The following CCDC83 variants were observed in gnomAD, a reference collection of about 807,000 sequenced individuals.
The protein encoded by CCDC83 is coiled-coil domain containing 83, also known as coiled-coil domain-containing protein 83.
CCDC83 carries 54 observed loss-of-function variants against 50.1 expected under a neutral mutation model. The observed-to-expected ratio is 1.08, with a 90% CI of 0.87 to 1.35. The LOEUF (loss-of-function observed/expected upper bound fraction) is 1.35, where lower values mean the gene tolerates loss of function less well. Ranked by LOEUF, CCDC83 falls within the 40% of genes most tolerant of loss-of-function variation. The pLI, the probability that CCDC83 is intolerant of heterozygous loss-of-function variation, is 0.00. For missense variants in CCDC83, 518 were observed against 473.9 expected (o/e 1.09, Z -0.86); for synonymous variants, 161 against 153.3 (o/e 1.05, Z -0.37).
intron 2 of CCDC83, among the ~76,000 whole-genome samples, chr11:85,870,615 G>T (rs987753650): frequency 6.6e-6 from 1 of 152,148 alleles, no homozygotes; most frequent in Non-Finnish European, 1.5e-5. Flanking sequence ...GGAGGCTGAG[G>T]CTGGAGGATT....
At chr11:85,896,771 T>A (rs1049696837) in intron 6 of CCDC83, among the ~76,000 whole-genome samples, 56 of 152,154 alleles carry the variant, frequency 3.7e-4, no homozygotes, top group African/African-American at 1.3e-3. Flanking sequence ...GATTTTTTTT[T>A]TTTTTTAACA....
chr11:85,858,079 C>T (rs946712391), intron 1 of CCDC83, among the ~76,000 whole-genome samples: 2 of 152,178 alleles, frequency 1.3e-5, no homozygotes, highest in African/African-American at 4.8e-5. Flanking sequence ...CTGAAGAATG[C>T]ACACCACATC....
At position 85,866,392 on chromosome 11, in the gene CCDC83, T is replaced by G. The variant is rs185105754; in HGVS notation, c.95+1174T>G. ...AGACAATAAACCACTAATTTGAGCT[T>G]TAAAAAAAATGACAGGGTGGTATGG... On this transcript the variant is annotated intron_variant, in intron 2 of 10. Transcript: ENST00000342404. Among the ~76,000 whole-genome samples the G allele has an allele frequency of 4.6e-5, 7 of 152,114 alleles. No homozygotes were observed. The East Asian group carries it at 9.7e-4, about 21-fold the overall frequency.
At chr11:85,907,896 A>G (rs1381009841) in intron 7 of CCDC83, among the ~76,000 whole-genome samples, 2 of 152,226 alleles carry the variant, frequency 1.3e-5, no homozygotes, top group African/African-American at 2.4e-5. Context: ...CCAGGCCCTT[A>G]GGTCAAACAT....
intron 10 of CCDC83, 34 bp from the exon 11 acceptor site, chr11:85,919,315 C>A: frequency 6.5e-7 from 1 of 1,549,644 alleles, no homozygotes; most frequent in African/African-American, 1.4e-5. Flanking sequence ...GCTGAATCAC[C>A]TCTCCTATTC....
chr11:85,907,654 C>G (rs900327653), intron 7 of CCDC83, among the ~76,000 whole-genome samples: 5 of 152,154 alleles, frequency 3.3e-5, no homozygotes, highest in Admixed American at 1.3e-4. Flanking sequence ...TACTTTCTGA[C>G]CCCAGAAATC....
intron 2 of CCDC83, among the ~76,000 whole-genome samples, chr11:85,869,921 T>A (rs2153683025): frequency 6.6e-6 from 1 of 152,274 alleles, no homozygotes; most frequent in African/African-American, 2.4e-5. Flanking sequence ...ACAGCTACCA[T>A]AAGCTCCACA....
intron 8 of CCDC83, among the ~76,000 whole-genome samples, chr11:85,914,483 T>C (rs1334928057): frequency 2.0e-5 from 3 of 152,168 alleles, no homozygotes; most frequent in Non-Finnish European, 4.4e-5. Flanking sequence ...AGGTGAAGCA[T>C]ACCACTAAGC....
intron 3 of CCDC83, among the ~76,000 whole-genome samples, chr11:85,873,638 CTCTT>C (rs2093252839): frequency 6.6e-6 from 1 of 152,056 alleles, no homozygotes; most frequent in South Asian, 2.1e-4. Flanking sequence ...CATTTTAAAT[CTCTT>C]TGTCTTTTTT....
At chr11:85,892,413 T>A (rs2093354656) in intron 5 of CCDC83, among the ~76,000 whole-genome samples, 1 of 152,192 alleles carries the variant, frequency 6.6e-6, no homozygotes, top group African/African-American at 2.4e-5. Context: ...ACAATGAGAT[T>A]CTCACATTCA....
At chr11:85,912,063 G>A (rs1197597787) in intron 8 of CCDC83, among the ~76,000 whole-genome samples, 2 of 152,106 alleles carry the variant, frequency 1.3e-5, no homozygotes, top group African/African-American at 4.8e-5. Flanking sequence ...ATTTAGACAA[G>A]TAGTCAAAAC....
chr11:85,914,620 C>T (rs1304250413), intron 8 of CCDC83, among the ~76,000 whole-genome samples: 1 of 152,182 alleles, frequency 6.6e-6, no homozygotes, highest in Non-Finnish European at 1.5e-5. Flanking sequence ...TGAAATACTA[C>T]AACAGCGACC....
intron 7 of CCDC83, 100 bp downstream of exon 7, chr11:85,899,115 C>T (rs1444531456): frequency 1.2e-6 from 1 of 804,280 alleles, no homozygotes; most frequent in Non-Finnish European, 2.0e-6. Flanking sequence ...AAGCATGGTA[C>T]CATGACTGAC....
At chr11:85,855,837 T>A (rs2093136640) in intron 1 of CCDC83, among the ~76,000 whole-genome samples, 1 of 152,198 alleles carries the variant, frequency 6.6e-6, no homozygotes, top group Admixed American at 6.5e-5. Context: ...TTAGTGCCTC[T>A]CTCACCAAAT....
intron 1 of CCDC83, among the ~76,000 whole-genome samples, chr11:85,861,786 A>G (rs2093177409): frequency 6.6e-6 from 1 of 151,874 alleles, no homozygotes; most frequent in African/African-American, 2.4e-5. Flanking sequence ...AAGTGGGTGG[A>G]TCCCTTGAGC....
intron 7 of CCDC83, among the ~76,000 whole-genome samples, chr11:85,900,093 TG>T (rs929271917): frequency 2.0e-5 from 3 of 152,144 alleles, no homozygotes; most frequent in Middle Eastern, 3.2e-3. Context: ...CTACAGAGGA[TG>T]TGCAAAACTC....
intron 5 of CCDC83, 144 bp downstream of exon 5, chr11:85,886,511 G>A: frequency 1.7e-6 from 1 of 581,196 alleles, no homozygotes; most frequent in Non-Finnish European, 2.7e-6. Context: ...GGGTAAAGGT[G>A]GAGGGAGGAA....
At chr11:85,912,749 G>C (rs1339093640) in intron 8 of CCDC83, 1 of 1,534,252 alleles carries the variant, frequency 6.5e-7, no homozygotes. Context: ...CTGGTATGTG[G>C]CTTCTAACTA....
chr11:85,901,063 TAA>T lies in CCDC83; in HGVS notation c.672+2064_672+2065del, dbSNP rs370561060. Among the ~76,000 whole-genome samples the T allele has an allele frequency of 6.1e-3, 829 of 135,958 alleles. 8 individuals carry two copies. The highest frequency in any genetic ancestry group is 0.019 in the African/African-American group (701 of 36,834). 89.2% of individuals were successfully genotyped at this position (135,958 alleles called of 152,430 possible). Reference sequence around the variant, plus strand: ...CTGGGCGACAGAGCGAGACCCTGTCTAAAAAAAAAAAAAAAAATTCTGGCCAG... The same window carrying T: ...CTGGGCGACAGAGCGAGACCCTGTCTAAAAAAAAAAAAAAATTCTGGCCAG... On this transcript the variant is annotated intron_variant, in intron 7 of 10. Coordinates refer to ENST00000342404, the MANE Select transcript of CCDC83 (RefSeq NM_001286159.2).
Sources: gnomAD v4.1 joint callset for allele counts (sites outside exome capture counted in the v4.1 genomes callset) on GRCh38, gnomAD v4.1.1 for gene constraint, MANE v1.5 for transcripts, NCBI Gene and HGNC (gene_info 2026-07-23, HGNC 2026-07-21) for gene names.